ARHGAP26: variants seen among roughly 807,000 people sequenced by gnomAD.
ARHGAP26 encodes Rho GTPase activating protein 26.
In ARHGAP26, 38 loss-of-function variants were observed where a neutral mutation model predicts 104.8. The observed-to-expected ratio is 0.36, with a 90% CI of 0.28 to 0.48. The LOEUF (loss-of-function observed/expected upper bound fraction) is 0.48. Ranked by LOEUF, ARHGAP26 falls within the 20% of genes least tolerant of loss-of-function variation. The pLI is 0.99. For missense variants in ARHGAP26, 704 were observed against 947.9 expected (o/e 0.74, Z 3.38); for synonymous variants, 341 against 340.0 (o/e 1.00, Z -0.03).
intron 18 of ARHGAP26, among the ~76,000 whole-genome samples, chr5:143,128,956 A>G (rs1468642274): frequency 6.6e-6 from 1 of 152,202 alleles, no homozygotes; most frequent in Non-Finnish European, 1.5e-5. Context: ...CACCACACAC[A>G]TTACAGGGAG....
chr5:143,160,893 A>G (rs943814925), intron 20 of ARHGAP26, among the ~76,000 whole-genome samples: 2 of 152,026 alleles, frequency 1.3e-5, no homozygotes, highest in African/African-American at 4.8e-5. Flanking sequence ...GTGTCAGTGT[A>G]GTAAGTGGTA....
At position 143,078,811 on chromosome 5, in the gene ARHGAP26, T is replaced by C. The variant is rs146516702; in HGVS notation, c.1538+21064T>C. Among the ~76,000 whole-genome samples the C allele has an allele frequency of 5.3e-5, 8 of 152,344 alleles. No homozygotes were observed. The East Asian group carries it at 1.5e-3, about 29-fold the overall frequency. ...GCCTAAGAGGTGGAAAAATCAACTT[T>C]AGAGACTTTCTTAGCATCTGAGCTC... On this transcript the variant is annotated intron_variant, in intron 17 of 22. Transcript: ENST00000645722.
intron 11 of ARHGAP26, among the ~76,000 whole-genome samples, chr5:142,981,781 C>T (rs1773972116): frequency 6.6e-6 from 1 of 152,182 alleles, no homozygotes; most frequent in African/African-American, 2.4e-5. Context: ...TTGCCTTTGT[C>T]CCTAAGTGGT....
At chr5:142,955,400 A>G (rs766031852) in intron 11 of ARHGAP26, among the ~76,000 whole-genome samples, 5 of 152,242 alleles carry the variant, frequency 3.3e-5, no homozygotes, top group Non-Finnish European at 7.3e-5. Flanking sequence ...AATATGGTAC[A>G]TAGAAATTCC....
intron 11 of ARHGAP26, among the ~76,000 whole-genome samples, chr5:142,992,671 C>T (rs538248213): frequency 6.6e-6 from 1 of 152,236 alleles, no homozygotes; most frequent in East Asian, 1.9e-4. Context: ...TCGTGATCCG[C>T]CTGCCTCGCC....
chr5:142,922,459 A>T (rs1319456464), intron 10 of ARHGAP26, among the ~76,000 whole-genome samples: 1 of 152,100 alleles, frequency 6.6e-6, no homozygotes, highest in East Asian at 1.9e-4. Flanking sequence ...GTAGAAAAAA[A>T]TAATCATGAG....
chr5:142,978,311 G>T lies in ARHGAP26; in HGVS notation c.1108-35769G>T, dbSNP rs1173265530. Among the ~76,000 whole-genome samples the T allele has an allele frequency of 3.3e-5, 5 of 152,074 alleles. No individual in the cohort carries two copies. In the East Asian group the frequency reaches 9.6e-4, roughly 29 times the overall value. ...CACTTCTTCGACTCTCTTTCTCTTG[G>T]GTGATGAGGAGGTATGAGATAATGT... On this transcript the variant is annotated intron_variant, in intron 11 of 22. Transcript: ENST00000645722.
At chr5:142,822,158 T>C (rs933234264) in intron 1 of ARHGAP26, among the ~76,000 whole-genome samples, 1 of 152,228 alleles carries the variant, frequency 6.6e-6, no homozygotes, top group Admixed American at 6.5e-5. Flanking sequence ...TTCTTGCCTT[T>C]TGCCTAGAAT....
intron 11 of ARHGAP26, among the ~76,000 whole-genome samples, chr5:142,937,905 G>C (rs888258915): frequency 6.6e-6 from 1 of 152,082 alleles, no homozygotes; most frequent in Admixed American, 6.6e-5. Context: ...AACTATAAAG[G>C]GGGTAGCACA....
intron 10 of ARHGAP26, chr5:142,919,405 C>G (rs1457249577): frequency 2.5e-6 from 1 of 398,388 alleles, no homozygotes; most frequent in Non-Finnish European, 4.4e-6. Flanking sequence ...GAACTTTTAG[C>G]CTCTAGACCT....
chr5:143,016,405 TA>T (rs937383505), intron 12 of ARHGAP26, among the ~76,000 whole-genome samples: 8 of 152,218 alleles, frequency 5.3e-5, no homozygotes, highest in Admixed American at 2.6e-4. Flanking sequence ...AAAGATGGGT[TA>T]AAAAAATTGG....
intron 20 of ARHGAP26, among the ~76,000 whole-genome samples, chr5:143,174,234 G>A (rs956764062): frequency 1.3e-5 from 2 of 152,184 alleles, no homozygotes; most frequent in African/African-American, 4.8e-5. Flanking sequence ...GTATGTTGTT[G>A]TACATCTCCA....
chr5:142,990,187 G>C (rs551278104), intron 11 of ARHGAP26, among the ~76,000 whole-genome samples: 1 of 151,880 alleles, frequency 6.6e-6, no homozygotes, highest in Non-Finnish European at 1.5e-5. Context: ...TTCTCTTCTC[G>C]CTTCATTTCA....
intron 5 of ARHGAP26, among the ~76,000 whole-genome samples, chr5:142,885,671 G>T (rs1757598910): frequency 6.6e-6 from 1 of 152,172 alleles, no homozygotes; most frequent in Non-Finnish European, 1.5e-5. Context: ...CTGATTGCTA[G>T]ATGTCTTCAT....
chr5:143,067,138 A>G (rs558934893), intron 17 of ARHGAP26, among the ~76,000 whole-genome samples: 1 of 150,688 alleles, frequency 6.6e-6, no homozygotes, highest in African/African-American at 2.4e-5. Flanking sequence ...CTGGAGGGGG[A>G]TGGCGCGTTA....
At chr5:143,205,174 T>C (rs767716964) in intron 20 of ARHGAP26, among the ~76,000 whole-genome samples, 5 of 152,134 alleles carry the variant, frequency 3.3e-5, no homozygotes, top group Admixed American at 6.5e-5. Context: ...CCTCAACTGA[T>C]GGATCTTACT....
chr5:143,057,957 C>T, intron 17 of ARHGAP26: 1 of 682,810 alleles, frequency 1.5e-6, no homozygotes, highest in Non-Finnish European at 2.8e-6. Flanking sequence ...TGGGGAAGTG[C>T]TCATGCAACC....
chr5:142,934,277 A>G (rs1485488865), intron 11 of ARHGAP26, among the ~76,000 whole-genome samples: 3 of 152,236 alleles, frequency 2.0e-5, no homozygotes, highest in African/African-American at 7.2e-5. Context: ...CTGCAGATGG[A>G]AAGTGTGCTG....
At chr5:142,996,041 G>A (rs549744633) in intron 11 of ARHGAP26, among the ~76,000 whole-genome samples, 5 of 152,106 alleles carry the variant, frequency 3.3e-5, no homozygotes, top group African/African-American at 9.7e-5. Context: ...GGGCCTACTG[G>A]GGGGTGGGGA....
Sources: allele counts gnomAD v4.1 joint callset (sites outside exome capture counted in the v4.1 genomes callset), GRCh38; gene constraint gnomAD v4.1.1; transcripts MANE v1.5; gene names NCBI Gene and HGNC (gene_info 2026-07-23, HGNC 2026-07-21).